The following ADAMTS19 variants were observed in gnomAD, a reference collection of about 807,000 sequenced individuals.
The protein encoded by ADAMTS19 is ADAM metallopeptidase with thrombospondin type 1 motif 19.
ADAMTS19 carries 93 observed loss-of-function variants against 153.3 expected under a neutral mutation model. That is an observed-to-expected ratio of 0.61 (90% confidence interval 0.51 to 0.72). The LOEUF (loss-of-function observed/expected upper bound fraction) is 0.72, where lower values mean the gene tolerates loss of function less well. Among genes scored for constraint, ADAMTS19 ranks in the 30% least tolerant of loss-of-function variants. The pLI is 0.00. For missense variants in ADAMTS19, 1,482 were observed against 1,552.1 expected (o/e 0.95, Z 0.76); for synonymous variants, 600 against 556.6 (o/e 1.08, Z -1.10).
chr5:129,460,328 G>T lies in ADAMTS19; in HGVS notation c.-64G>T. 9 of 1,414,212 alleles carry T rather than the reference G, an allele frequency of 6.4e-6. No individual in the cohort carries two copies. The highest frequency in any genetic ancestry group is 5.3e-5 in the Admixed American group (3 of 57,134). 87.6% of individuals were successfully genotyped at this position (1,414,212 alleles called of 1,614,324 possible). A position where few individuals can be genotyped will look rare whatever the true frequency, so the allele number is the denominator to read the frequency against. Reference sequence around the variant, plus strand: ...CCTAGCGCTCCGGGGAGGCCGCTGCGCCCCGGAGTGGATCGCGCTGGAGGC... The same window carrying T: ...CCTAGCGCTCCGGGGAGGCCGCTGCTCCCCGGAGTGGATCGCGCTGGAGGC... On this transcript the variant is annotated 5_prime_UTR_variant, in exon 1 of 23. Transcript: ENST00000274487.
At chr5:129,656,110 A>G (rs1242633414) in intron 14 of ADAMTS19, among the ~76,000 whole-genome samples, 1 of 152,176 alleles carries the variant, frequency 6.6e-6, no homozygotes, top group East Asian at 1.9e-4. Flanking sequence ...CTTTTTACTT[A>G]ACAGTATTGT....
chr5:129,560,318 T>C (rs1753456534), intron 7 of ADAMTS19, among the ~76,000 whole-genome samples: 1 of 152,198 alleles, frequency 6.6e-6, no homozygotes, highest in Admixed American at 6.5e-5. Context: ...GCAGGTTGTT[T>C]TTCTTATCAT....
At chr5:129,684,335 T>G (rs934121967) in intron 18 of ADAMTS19, 62 bp downstream of exon 18, 6 of 1,563,650 alleles carry the variant, frequency 3.8e-6, no homozygotes, top group Middle Eastern at 3.5e-4. Context: ...TAAGCATTGA[T>G]AATTAAGACA....
intron 6 of ADAMTS19, among the ~76,000 whole-genome samples, chr5:129,547,199 C>T (rs747931826): frequency 1.9e-4 from 28 of 150,532 alleles, no homozygotes; most frequent in Admixed American, 6.6e-4. Flanking sequence ...AGGATGGAAG[C>T]AGGGGGCAGA....
intron 3 of ADAMTS19, among the ~76,000 whole-genome samples, chr5:129,516,000 T>G (rs1751592838): frequency 6.6e-6 from 1 of 151,926 alleles, no homozygotes; most frequent in Non-Finnish European, 1.5e-5. Flanking sequence ...ACTGAAGAGA[T>G]GTTGAATTTT....
At chr5:129,723,844 A>G (rs1380262992) in intron 21 of ADAMTS19, among the ~76,000 whole-genome samples, 1 of 152,220 alleles carries the variant, frequency 6.6e-6, no homozygotes, top group African/African-American at 2.4e-5. Context: ...TGGGAAACGT[A>G]AGACACCAAT....
At chr5:129,618,186 G>A (rs535722437) in intron 8 of ADAMTS19, among the ~76,000 whole-genome samples, 1 of 152,050 alleles carries the variant, frequency 6.6e-6, no homozygotes, top group South Asian at 2.1e-4. Context: ...AATTGAACTG[G>A]TTCATACCTA....
chr5:129,661,400 A>G (rs1274970243), intron 15 of ADAMTS19, among the ~76,000 whole-genome samples: 1 of 152,172 alleles, frequency 6.6e-6, no homozygotes, highest in African/African-American at 2.4e-5. Flanking sequence ...GGCACCATCT[A>G]CTTTTGACTT....
intron 15 of ADAMTS19, among the ~76,000 whole-genome samples, chr5:129,661,946 G>T (rs566389942): frequency 6.6e-6 from 1 of 152,204 alleles, no homozygotes; most frequent in South Asian, 2.1e-4. Context: ...ATTATAGCAG[G>T]AAGTGAACAG....
At chr5:129,544,728 A>G (rs530699263) in intron 6 of ADAMTS19, among the ~76,000 whole-genome samples, 3 of 152,304 alleles carry the variant, frequency 2.0e-5, no homozygotes, top group African/African-American at 7.2e-5. Flanking sequence ...AGTCTGTGCA[A>G]AGTGGGGAAG....
At chr5:129,578,575 C>T (rs938620576) in intron 7 of ADAMTS19, among the ~76,000 whole-genome samples, 3 of 151,838 alleles carry the variant, frequency 2.0e-5, no homozygotes, top group African/African-American at 7.3e-5. Flanking sequence ...AGGTATTTCT[C>T]CTTATGCTAT....
intron 10 of ADAMTS19, among the ~76,000 whole-genome samples, chr5:129,634,890 A>G (rs901164855): frequency 8.3e-5 from 12 of 145,074 alleles, no homozygotes; most frequent in African/African-American, 3.2e-4. Context: ...AAGCAAAATA[A>G]AAGAGAGAGA....
chr5:129,585,163 C>T (rs1404421633), intron 7 of ADAMTS19, among the ~76,000 whole-genome samples: 2 of 151,688 alleles, frequency 1.3e-5, no homozygotes, highest in East Asian at 2.0e-4. Flanking sequence ...AGTTCCCCAA[C>T]CCCTTGCACT....
intron 16 of ADAMTS19, among the ~76,000 whole-genome samples, chr5:129,674,393 C>G (rs1018356293): frequency 6.6e-6 from 1 of 152,050 alleles, no homozygotes; most frequent in Non-Finnish European, 1.5e-5. Context: ...AACCAATGTC[C>G]TTAGTCCACT....
At chr5:129,696,276 G>A (rs1163379529) in intron 19 of ADAMTS19, among the ~76,000 whole-genome samples, 1 of 152,020 alleles carries the variant, frequency 6.6e-6, no homozygotes, top group Non-Finnish European at 1.5e-5. Flanking sequence ...AATTAGCCAG[G>A]CATGGTAGCA....
chr5:129,710,800 T>G (rs1303996560), intron 21 of ADAMTS19, among the ~76,000 whole-genome samples: 1 of 152,180 alleles, frequency 6.6e-6, no homozygotes, highest in Non-Finnish European at 1.5e-5. Context: ...TTTGAAACCT[T>G]GATACAATCA....
chr5:129,658,379 A>AGAGAG (rs1324387573), intron 14 of ADAMTS19, among the ~76,000 whole-genome samples: 7 of 135,912 alleles, frequency 5.2e-5, no homozygotes, highest in African/African-American at 2.2e-4. Flanking sequence ...GAGAGAGAGG[A>AGAGAG]AGGAAGGAAG....
At chr5:129,712,641 C>A (rs1756534572) in intron 21 of ADAMTS19, among the ~76,000 whole-genome samples, 1 of 151,676 alleles carries the variant, frequency 6.6e-6, no homozygotes, top group Admixed American at 6.6e-5. Context: ...TTATTTATTG[C>A]CACTAGATAT....
chr5:129,629,664 G>A (rs746263386), intron 10 of ADAMTS19, among the ~76,000 whole-genome samples: 1 of 152,066 alleles, frequency 6.6e-6, no homozygotes, highest in African/African-American at 2.4e-5. Flanking sequence ...GGTGAAAAAT[G>A]TTGATCACAG....
Sources: allele counts gnomAD v4.1 joint callset (sites outside exome capture counted in the v4.1 genomes callset), GRCh38; gene constraint gnomAD v4.1.1; transcripts MANE v1.5; gene names NCBI Gene and HGNC (gene_info 2026-07-23, HGNC 2026-07-21).